The following SPATA16 variants were observed in gnomAD, a reference collection of about 807,000 sequenced individuals.
The protein encoded by SPATA16 is spermatogenesis associated 16, also known as spermatogenesis-associated protein 16.
In SPATA16, 36 loss-of-function variants were observed where a neutral mutation model predicts 63.3. The observed-to-expected ratio is 0.57, with a 90% confidence interval of 0.44 to 0.75. The LOEUF is 0.75. SPATA16 is among the 30% of genes least tolerant of loss of function. The pLI, the probability that SPATA16 is intolerant of heterozygous loss-of-function variation, is 0.00. For synonymous variants in SPATA16, 203 were observed against 216.7 expected, an observed-to-expected ratio of 0.94 and a Z score of 0.56; for missense variants, 646 against 679.3, an observed-to-expected ratio of 0.95 and a Z score of 0.54.
chr3:173,026,658 G>A (rs983149451), intron 3 of SPATA16, among the ~76,000 whole-genome samples: 1 of 151,748 alleles, frequency 6.6e-6, no homozygotes, highest in Non-Finnish European at 1.5e-5. Flanking sequence ...CAATTTTCCC[G>A]GCACTACTCA....
chr3:173,119,813 A>G (rs1738008392), intron 1 of SPATA16, among the ~76,000 whole-genome samples: 1 of 152,140 alleles, frequency 6.6e-6, no homozygotes, highest in Admixed American at 6.5e-5. Flanking sequence ...ACGCCTGTAA[A>G]TGTTGCTGGC....
chr3:172,936,949 G>C (rs1733010427), intron 6 of SPATA16, among the ~76,000 whole-genome samples: 1 of 152,092 alleles, frequency 6.6e-6, no homozygotes, highest in Non-Finnish European at 1.5e-5. Context: ...GACCTCAAGT[G>C]ATCCACCTGC....
At chr3:172,932,676 G>GC (rs1038427092) in intron 6 of SPATA16, among the ~76,000 whole-genome samples, 5 of 151,716 alleles carry the variant, frequency 3.3e-5, no homozygotes, top group African/African-American at 7.3e-5. Flanking sequence ...TATTATTATT[G>GC]CCCCCCCATA....
chr3:172,960,979 CTT>C (rs1246302215), intron 5 of SPATA16, among the ~76,000 whole-genome samples: 2 of 131,690 alleles, frequency 1.5e-5, no homozygotes, highest in Admixed American at 1.7e-4. Flanking sequence ...TTCTTTTTCT[CTT>C]TCTCTTTCTT....
chr3:172,956,313 A>C (rs1733594397), intron 6 of SPATA16, among the ~76,000 whole-genome samples: 1 of 152,054 alleles, frequency 6.6e-6, no homozygotes, highest in Non-Finnish European at 1.5e-5. Context: ...AATAGTAGGG[A>C]CTGGAAAAAA....
chr3:173,127,639 C>T (rs562933436), intron 1 of SPATA16, among the ~76,000 whole-genome samples: 78 of 152,314 alleles, frequency 5.1e-4, no homozygotes, highest in African/African-American at 1.6e-3. Context: ...TCAGGTTAAG[C>T]GGCCTCAGCC....
intron 6 of SPATA16, among the ~76,000 whole-genome samples, chr3:172,932,195 C>T (rs1247725939): frequency 2.0e-5 from 3 of 152,158 alleles, no homozygotes; most frequent in Admixed American, 6.5e-5. Flanking sequence ...ATCATAACCA[C>T]AGCCAACAGA....
intron 6 of SPATA16, among the ~76,000 whole-genome samples, chr3:172,926,507 A>G (rs1732741056): frequency 1.3e-5 from 2 of 152,228 alleles, no homozygotes; most frequent in South Asian, 4.1e-4. Context: ...GTTGAGGGAC[A>G]CAGATGGGAA....
intron 2 of SPATA16, among the ~76,000 whole-genome samples, chr3:173,058,892 C>G (rs1483547903): frequency 6.6e-6 from 1 of 152,074 alleles, no homozygotes; most frequent in Non-Finnish European, 1.5e-5. Flanking sequence ...CTGAAACATT[C>G]TAAAATAGTT....
At chr3:173,019,596 T>C (rs935839362) in intron 3 of SPATA16, 21 bp from the exon 4 acceptor site, 3 of 1,607,496 alleles carry the variant, frequency 1.9e-6, no homozygotes, top group Admixed American at 1.7e-5. Flanking sequence ...GTAAAAGAAA[T>C]GCAAATGTTA....
rs116187034 is a variant in SPATA16, at chr3:172,996,177, A to T, written c.849-19125T>A. Among the ~76,000 whole-genome samples, 420 of 152,192 alleles carry T rather than the reference A, an allele frequency of 2.8e-3. 3 individuals carry two copies. Among genetic ancestry groups the T allele is most frequent in the African/African-American group, 9.6e-3 (398 of 41,542 alleles). ...TTTAGGCGAGACCACCATAAAAGTG[A>T]TGTTGTGTCTTCGTTGCATACTGTC... On this transcript the variant is annotated intron_variant, in intron 4 of 10. Coordinates refer to ENST00000351008, the MANE Select transcript of SPATA16 (RefSeq NM_031955.6).
chr3:172,952,938 C>CAAAAAAA (rs60404306), intron 6 of SPATA16, among the ~76,000 whole-genome samples: 60 of 77,732 alleles, frequency 7.7e-4, no homozygotes, highest in South Asian at 9.1e-4. Context: ...GACTCCATCT[C>CAAAAAAA]AAAAAAAAAA....
chr3:173,133,314 C>T (rs956232065), intron 1 of SPATA16, among the ~76,000 whole-genome samples: 1 of 152,110 alleles, frequency 6.6e-6, no homozygotes, highest in Non-Finnish European at 1.5e-5. Flanking sequence ...GGGACATTTC[C>T]TTCTTGGAAT....
rs544094869 is a variant in SPATA16 at position 172,907,328 on chromosome 3, C to T, written c.1587+6333G>A. ...AATAGATCACTTCTCACCTCCACTC[C>T]TACCACTGCGTTCAAGGGTTAAGCC... On this transcript the variant is annotated intron_variant, in intron 10 of 10. Transcript: ENST00000351008. Among the ~76,000 whole-genome samples, 3 of 152,326 alleles carry T rather than the reference C, an allele frequency of 2.0e-5. No homozygotes were observed. The East Asian group carries it at 5.8e-4, about 29-fold the overall frequency.
chr3:173,020,540 C>A (rs1397814750), intron 3 of SPATA16, among the ~76,000 whole-genome samples: 2 of 152,176 alleles, frequency 1.3e-5, no homozygotes, highest in African/African-American at 4.8e-5. Context: ...GCTGACTCTT[C>A]CATTATCTCA....
chr3:173,018,125 A>T (rs549731302), intron 4 of SPATA16, among the ~76,000 whole-genome samples: 3 of 152,332 alleles, frequency 2.0e-5, no homozygotes, highest in African/African-American at 4.8e-5. Context: ...CTTCACACAG[A>T]TAAAAAGATG....
intron 4 of SPATA16, among the ~76,000 whole-genome samples, chr3:173,019,263 A>G (rs973379660): frequency 2.0e-5 from 3 of 152,124 alleles, no homozygotes; most frequent in Non-Finnish European, 4.4e-5. Flanking sequence ...CAGTGACCTC[A>G]TGGCTGGAAA....
At chr3:172,916,903 A>T (rs1401225652) in intron 8 of SPATA16, among the ~76,000 whole-genome samples, 1 of 152,236 alleles carries the variant, frequency 6.6e-6, no homozygotes. Context: ...AAATTTTTTA[A>T]TGCAAGTTGA....
chr3:173,049,993 TG>T (rs1736048966), intron 2 of SPATA16, among the ~76,000 whole-genome samples: 1 of 152,096 alleles, frequency 6.6e-6, no homozygotes, highest in Non-Finnish European at 1.5e-5. Flanking sequence ...ATGCATATAC[TG>T]GGGGAAATTT....
Sources: allele counts gnomAD v4.1 joint callset (sites outside exome capture counted in the v4.1 genomes callset), GRCh38; gene constraint gnomAD v4.1.1; transcripts MANE v1.5; gene names NCBI Gene and HGNC (gene_info 2026-07-23, HGNC 2026-07-21).